Variants in PTPRM observed in about 807,000 individuals in gnomAD.
PTPRM encodes the protein receptor-type tyrosine-protein phosphatase mu.
Under a neutral mutation model 186.7 loss-of-function variants are expected in PTPRM, and 47 were observed. That is an observed-to-expected ratio of 0.25 (90% CI 0.20 to 0.32). The LOEUF (loss-of-function observed/expected upper bound fraction) is 0.32, where lower values mean the gene tolerates loss of function less well. PTPRM is among the 10% of genes least tolerant of loss of function. The pLI, the probability that PTPRM is intolerant of heterozygous loss-of-function variation, is 1.00. For synonymous variants in PTPRM, 668 were observed against 674.9 expected (o/e 0.99, Z 0.16); for missense variants, 1,494 against 1,865.0 (o/e 0.80, Z 3.66).
intron 14 of PTPRM, among the ~76,000 whole-genome samples, chr18:8,203,629 G>C (rs2093888182): frequency 6.6e-6 from 1 of 152,094 alleles, no homozygotes; most frequent in African/African-American, 2.4e-5. Flanking sequence ...AGAATTCCTT[G>C]TTCTTAGGTG....
chr18:7,656,838 C>A (rs1262291822), intron 1 of PTPRM, among the ~76,000 whole-genome samples: 1 of 152,018 alleles, frequency 6.6e-6, no homozygotes, highest in Admixed American at 6.6e-5. Flanking sequence ...ATTTGTCCTC[C>A]TCCTCCTGAG....
intron 2 of PTPRM, among the ~76,000 whole-genome samples, chr18:7,866,780 A>C (rs186258454): frequency 1.5e-3 from 227 of 152,328 alleles, no homozygotes; most frequent in African/African-American, 5.1e-3. Context: ...TAATATTGAC[A>C]GTGGGGTGTT....
chr18:8,103,030 C>CT (rs148501477), intron 11 of PTPRM, among the ~76,000 whole-genome samples: 1 of 152,084 alleles, frequency 6.6e-6, no homozygotes, highest in Admixed American at 6.5e-5. Flanking sequence ...GAAAGGAATC[C>CT]TTTTTTTCTG....
chr18:8,376,643 C>T (rs747124368), intron 26 of PTPRM, 46 bp downstream of exon 26: 1 of 1,569,366 alleles, frequency 6.4e-7, no homozygotes, highest in South Asian at 1.2e-5. Context: ...CCCTGGGCTC[C>T]CTCCTGCATC....
rs74949113 is a variant in PTPRM, at chr18:7,828,943, C to G, written c.196+54672C>G. On this transcript the variant is annotated intron_variant, in intron 2 of 32. Coordinates refer to ENST00000580170, the MANE Select transcript of PTPRM (RefSeq NM_001105244.2). ...TGCAATAAAGAACTCCTTTTCTTCT[C>G]TCTCTCTTTTTTGTTTTTTGGTCTG... Among the ~76,000 whole-genome samples the G allele has an allele frequency of 2.7e-3, 416 of 152,286 alleles. 2 individuals are homozygous for G. Among genetic ancestry groups the G allele is most frequent in the African/African-American group, 9.0e-3 (375 of 41,542 alleles).
chr18:8,384,783 A>G, intron 30 of PTPRM, 97 bp downstream of exon 30: 3 of 1,494,134 alleles, frequency 2.0e-6, no homozygotes, highest in Non-Finnish European at 1.8e-6. Flanking sequence ...TCACTGTTCC[A>G]GGAGTTTGGA....
intron 7 of PTPRM, among the ~76,000 whole-genome samples, chr18:7,955,919 G>C (rs1288803145): frequency 6.6e-6 from 1 of 152,196 alleles, no homozygotes; most frequent in East Asian, 1.9e-4. Context: ...TCATAAGCAA[G>C]AGTGATTTGT....
At chr18:8,015,245 A>G (rs563113243) in intron 7 of PTPRM, among the ~76,000 whole-genome samples, 214 of 152,318 alleles carry the variant, frequency 1.4e-3, no homozygotes, top group African/African-American at 4.9e-3. Context: ...CACATGCTAC[A>G]GTGGCCTACT....
chr18:8,098,907 A>G (rs1419169747), intron 11 of PTPRM, among the ~76,000 whole-genome samples: 7 of 151,962 alleles, frequency 4.6e-5, no homozygotes, highest in African/African-American at 1.5e-4. Flanking sequence ...GTGTCTCCCT[A>G]TTGCCTTCAG....
intron 1 of PTPRM, among the ~76,000 whole-genome samples, chr18:7,758,259 AGG>A (rs2041603253): frequency 6.6e-6 from 1 of 152,218 alleles, no homozygotes; most frequent in African/African-American, 2.4e-5. Flanking sequence ...AGATACTCAA[AGG>A]GATCCATAAG....
chr18:8,250,546 A>G (rs1257455115), intron 17 of PTPRM, among the ~76,000 whole-genome samples: 1 of 152,066 alleles, frequency 6.6e-6, no homozygotes, highest in Non-Finnish European at 1.5e-5. Flanking sequence ...TTGGGAGGCC[A>G]AGGCAGGAAG....
intron 2 of PTPRM, among the ~76,000 whole-genome samples, chr18:7,846,978 T>A (rs2046627565): frequency 6.6e-6 from 1 of 151,912 alleles, no homozygotes; most frequent in South Asian, 2.1e-4. Context: ...TATCACTGTA[T>A]TTTGAAGGAT....
At chr18:7,875,172 G>T (rs1008753172) in intron 2 of PTPRM, among the ~76,000 whole-genome samples, 4 of 151,912 alleles carry the variant, frequency 2.6e-5, no homozygotes, top group African/African-American at 9.7e-5. Context: ...CTCCAGCCTG[G>T]GTGACAGAAC....
intron 1 of PTPRM, among the ~76,000 whole-genome samples, chr18:7,639,639 G>A (rs928714118): frequency 4.6e-5 from 7 of 152,012 alleles, no homozygotes; most frequent in East Asian, 1.9e-4. Context: ...TGACCCACCC[G>A]CCTTGGCCTC....
chr18:8,126,006 TATATATATATA>T lies in PTPRM; in HGVS notation c.2167+11180_2167+11190del, dbSNP rs1284454806. Among the ~76,000 whole-genome samples the T allele has an allele frequency of 9.6e-4, 23 of 23,940 alleles. 2 individuals are homozygous for T. Among genetic ancestry groups the T allele is most frequent in the East Asian group, 8.3e-3 (5 of 606 alleles). The allele number at this position is 23,940 out of a possible 152,430, so 15.7% of individuals were successfully genotyped here. ...ATATATATATATATATATATATATATATATATATATATATATATATATTTTAAATCAGTAGA... is the reference window on the plus strand; with the variant it reads ...ATATATATATATATATATATATATATTATATATATATTTTAAATCAGTAGA... On this transcript the variant is annotated intron_variant, in intron 13 of 32. Transcript: ENST00000580170.
chr18:8,022,491 A>G (rs1042461897), intron 7 of PTPRM, among the ~76,000 whole-genome samples: 1 of 152,184 alleles, frequency 6.6e-6, no homozygotes, highest in Non-Finnish European at 1.5e-5. Flanking sequence ...ATCATTTCAT[A>G]GCTCCTGGCA....
intron 8 of PTPRM, among the ~76,000 whole-genome samples, chr18:8,072,266 C>A (rs1005448079): frequency 1.1e-4 from 17 of 152,204 alleles, no homozygotes; most frequent in African/African-American, 3.1e-4. Context: ...GCAGTCACTT[C>A]CAGATATATA....
chr18:7,792,518 G>A (rs28564059), intron 2 of PTPRM, among the ~76,000 whole-genome samples: 2,409 of 152,022 alleles, frequency 0.016, 42 homozygotes, highest in African/African-American at 0.049. Flanking sequence ...CATACCCCTT[G>A]TTATTTGGGC....
chr18:7,947,159 C>T (rs946484616), intron 5 of PTPRM, among the ~76,000 whole-genome samples: 2 of 152,200 alleles, frequency 1.3e-5, no homozygotes, highest in Non-Finnish European at 1.5e-5. Flanking sequence ...CTTTGATAGC[C>T]GCTCTGCCTT....
Sources: gnomAD v4.1 joint callset for allele counts (sites outside exome capture counted in the v4.1 genomes callset) on GRCh38, gnomAD v4.1.1 for gene constraint, MANE v1.5 for transcripts, NCBI Gene and HGNC (gene_info 2026-07-23, HGNC 2026-07-21) for gene names.